TMEM63C: variants seen among roughly 807,000 people sequenced by gnomAD.
TMEM63C encodes the protein transmembrane protein 63C.
In TMEM63C, 32 loss-of-function variants were observed where a neutral mutation model predicts 99.2. That is an observed-to-expected ratio of 0.32 (90% confidence interval 0.24 to 0.43). The LOEUF is 0.43. Ranked by LOEUF, TMEM63C falls within the 20% of genes least tolerant of loss-of-function variation. The pLI, the probability that TMEM63C is intolerant of heterozygous loss-of-function variation, is 1.00. For synonymous variants in TMEM63C, 376 were observed against 397.9 expected (o/e 0.94, Z 0.66); for missense variants, 826 against 1,053.0 (o/e 0.78, Z 2.98).
intron 1 of TMEM63C, among the ~76,000 whole-genome samples, chr14:77,192,002 T>C (rs1888119085): frequency 6.6e-6 from 1 of 152,268 alleles, no homozygotes; most frequent in Non-Finnish European, 1.5e-5. Context: ...TAGGTGCATA[T>C]GTATTTATAG....
At chr14:77,185,892 G>A (rs114370993) in intron 1 of TMEM63C, among the ~76,000 whole-genome samples, 2,981 of 152,180 alleles carry the variant, frequency 0.02, 76 homozygotes, top group African/African-American at 0.068. Context: ...GGGAGGAAGC[G>A]GAAAGGTGCC....
At chr14:77,215,768 C>T (rs528937874) in intron 2 of TMEM63C, among the ~76,000 whole-genome samples, 1 of 152,270 alleles carries the variant, frequency 6.6e-6, no homozygotes, top group South Asian at 2.1e-4. Context: ...TAAACATCTC[C>T]ACTGTGCACT....
chr14:77,240,109 G>A (rs1361458044), intron 12 of TMEM63C, among the ~76,000 whole-genome samples: 2 of 152,190 alleles, frequency 1.3e-5, no homozygotes, highest in Non-Finnish European at 2.9e-5. Context: ...CTCAAAGAGG[G>A]CGTCGAGACT....
chr14:77,194,342 G>A (rs1267418219), intron 1 of TMEM63C, among the ~76,000 whole-genome samples: 8 of 25,456 alleles, frequency 3.1e-4, no homozygotes, highest in African/African-American at 1.1e-3. Context: ...ATATATGTGT[G>A]TGTGTGTGTG....
At chr14:77,248,894 C>T (rs1889311002) in intron 20 of TMEM63C, 22 bp downstream of exon 20, 1 of 1,590,702 alleles carries the variant, frequency 6.3e-7, no homozygotes, top group South Asian at 1.1e-5. Flanking sequence ...CCAAGGCATG[C>T]CCAAGGGCTG....
chr14:77,223,673 GAGAC>G (rs1238809205), intron 5 of TMEM63C, among the ~76,000 whole-genome samples: 2 of 145,310 alleles, frequency 1.4e-5, no homozygotes, highest in South Asian at 2.2e-4. Flanking sequence ...ACACATGAGA[GAGAC>G]AGAGAGAGAG....
At position 77,249,362 on chromosome 14, in the gene TMEM63C, C is replaced by T; in HGVS notation, c.1942C>T (p.Leu648=). 1.2e-6 allele frequency: 2 copies of T among 1,614,072 alleles called. No homozygotes were observed. Among genetic ancestry groups the T allele is most frequent in the Non-Finnish European group, 1.7e-6 (2 of 1,179,902 alleles). The change falls in exon 21 of 24, where the codon CTG becomes TTG. Residue 648 remains leucine, a synonymous_variant. Transcript: ENST00000298351. ...GTACTACTCCTTTGCACCCACCAAA[C>T]TGAACGAGCAGATCCACATGGCTGC... is the stretch of plus-strand genomic sequence containing the variant. ...NMYYSFAPTK[L]NEQIHMAAVS...
At chr14:77,194,336 A>ATGTG (rs36201483) in intron 1 of TMEM63C, among the ~76,000 whole-genome samples, 1,969 of 87,458 alleles carry the variant, frequency 0.023, 51 homozygotes, top group African/African-American at 0.11. Context: ...ATATATATAT[A>ATGTG]TGTGTGTGTG....
chr14:77,191,286 C>T (rs560543128), intron 1 of TMEM63C, among the ~76,000 whole-genome samples: 1 of 152,230 alleles, frequency 6.6e-6, no homozygotes, highest in East Asian at 1.9e-4. Context: ...AAACAAAGCA[C>T]ACCTAATATG....
intron 18 of TMEM63C, 123 bp downstream of exon 18, chr14:77,246,797 C>T: frequency 1.3e-6 from 1 of 760,456 alleles, no homozygotes; most frequent in South Asian, 2.0e-5. Context: ...CTTGTGAACA[C>T]CCTCACTGGG....
chr14:77,207,797 G>A (rs888838494), intron 1 of TMEM63C, among the ~76,000 whole-genome samples: 5 of 152,230 alleles, frequency 3.3e-5, no homozygotes, highest in African/African-American at 9.6e-5. Flanking sequence ...TTCTTCTCCT[G>A]AGGCCCCCTC....
At chr14:77,201,032 T>G (rs572246945) in intron 1 of TMEM63C, 4 of 151,056 alleles carry the variant, frequency 2.6e-5, no homozygotes, top group African/African-American at 9.7e-5. Context: ...CATAAAATGT[T>G]CCCAATAGGC....
At chr14:77,203,906 G>T (rs1271380470) in intron 1 of TMEM63C, among the ~76,000 whole-genome samples, 1 of 152,246 alleles carries the variant, frequency 6.6e-6, no homozygotes, top group Non-Finnish European at 1.5e-5. Context: ...TCTAGCTGGA[G>T]CTGACTCTGG....
At chr14:77,227,914 C>CA (rs1888859186) in intron 6 of TMEM63C, among the ~76,000 whole-genome samples, 1 of 152,136 alleles carries the variant, frequency 6.6e-6, no homozygotes, top group Non-Finnish European at 1.5e-5. Context: ...GGAGGGAAAA[C>CA]AGGTCAGGGA....
chr14:77,201,251 G>T (rs920840122), intron 1 of TMEM63C: 1 of 152,192 alleles, frequency 6.6e-6, no homozygotes, highest in East Asian at 1.9e-4. Flanking sequence ...GCAGCTATGC[G>T]GTCTTGTTAT....
In TMEM63C at chr14:77,257,147, T is replaced by G; in HGVS notation, c.*421T>G. The G allele has an allele frequency of 5.8e-6, 1 of 172,712 alleles. No individual in the cohort carries two copies. 10.7% of individuals were successfully genotyped at this position (172,712 alleles called of 1,614,324 possible). On this transcript the variant is annotated 3_prime_UTR_variant, in exon 24 of 24. Transcript: ENST00000298351. ...CCTTCCAAGGAGCTTCTGCTGCTGC[T>G]CCTCCTCCCAGCCCCGGCCCATTCC...
chr14:77,252,892 G>A (rs1346135669), intron 22 of TMEM63C, among the ~76,000 whole-genome samples: 1 of 152,240 alleles, frequency 6.6e-6, no homozygotes, highest in African/African-American at 2.4e-5. Context: ...ATGTGATTGG[G>A]TTGGCCAGGT....
Position 77,240,485 on chromosome 14 carries a change from A to G in TMEM63C, c.941A>G (p.Glu314Gly). 6.2e-7 allele frequency: 1 copy of G among 1,610,092 alleles called. No individual in the cohort carries two copies. The highest frequency in any genetic ancestry group is 8.5e-7 in the Non-Finnish European group (1 of 1,179,680). ...CWTCFKEVDA[E>G]QYYSELEEQL... is the part of the protein sequence containing the mutation. Reference sequence around the variant, plus strand: ...TGCCTGCCACCCCAGGTGGATGCAGAGCAGTATTACAGCGAGCTAGAGGAG... The same window carrying G: ...TGCCTGCCACCCCAGGTGGATGCAGGGCAGTATTACAGCGAGCTAGAGGAG... The change falls in exon 13 of 24, where the codon GAG becomes GGG. Residue 314 changes from glutamate to glycine, a missense_variant. Glu to Gly is a moderately conservative substitution (Grantham distance 98). Coordinates refer to ENST00000298351, the MANE Select transcript of TMEM63C (RefSeq NM_020431.4).
At chr14:77,225,817 A>T (rs561817941) in intron 6 of TMEM63C, among the ~76,000 whole-genome samples, 2 of 152,152 alleles carry the variant, frequency 1.3e-5, no homozygotes, top group South Asian at 4.1e-4. Context: ...ATCATTCAAC[A>T]TATCATGTGT....
Sources: allele counts gnomAD v4.1 joint callset (sites outside exome capture counted in the v4.1 genomes callset), GRCh38; gene constraint gnomAD v4.1.1; transcripts MANE v1.5; gene names NCBI Gene and HGNC (gene_info 2026-07-23, HGNC 2026-07-21).